The following SLC35E3 variants were observed in gnomAD, a reference collection of about 807,000 sequenced individuals.
The protein encoded by SLC35E3 is bladder cancer-overexpressed gene 1 protein.
SLC35E3 carries 28 observed loss-of-function variants against 30.8 expected under a neutral mutation model. The observed-to-expected ratio is 0.91, with a 90% CI of 0.67 to 1.25. The LOEUF is 1.25. Ranked by LOEUF, SLC35E3 falls within the 50% of genes most tolerant of loss-of-function variation. The pLI is 0.00. For synonymous variants in SLC35E3, 146 were observed against 149.2 expected, an observed-to-expected ratio of 0.98 and a Z score of 0.16; for missense variants, 365 against 375.4, an observed-to-expected ratio of 0.97 and a Z score of 0.23.
At chr12:68,752,461 C>T (rs1037949009) in intron 3 of SLC35E3, among the ~76,000 whole-genome samples, 1 of 152,156 alleles carries the variant, frequency 6.6e-6, no homozygotes, top group African/African-American at 2.4e-5. Context: ...CTGTTCTGAC[C>T]ATGTCAAGCT....
chr12:68,763,546 C>T (rs942909840), intron 4 of SLC35E3, among the ~76,000 whole-genome samples: 28 of 152,100 alleles, frequency 1.8e-4, no homozygotes, highest in African/African-American at 6.3e-4. Context: ...TGCACCACCA[C>T]GCCCGGCTAA....
intron 3 of SLC35E3, among the ~76,000 whole-genome samples, chr12:68,752,413 A>G (rs1226524403): frequency 6.6e-6 from 1 of 152,196 alleles, no homozygotes; most frequent in Non-Finnish European, 1.5e-5. Flanking sequence ...TCAGTGGCAA[A>G]AGCAGAACTA....
intron 3 of SLC35E3, among the ~76,000 whole-genome samples, chr12:68,757,294 G>T (rs181461352): frequency 6.6e-6 from 1 of 152,260 alleles, no homozygotes; most frequent in Non-Finnish European, 1.5e-5. Context: ...TTCAAAGTCC[G>T]TAACAAAGAC....
At chr12:68,752,561 A>G (rs1394318260) in intron 3 of SLC35E3, among the ~76,000 whole-genome samples, 1 of 152,218 alleles carries the variant, frequency 6.6e-6, no homozygotes, top group Admixed American at 6.5e-5. Context: ...GATTTTGAAC[A>G]TACGTAAAAA....
chr12:68,746,839 G>T, intron 1 of SLC35E3, 60 bp downstream of exon 1: 1 of 1,486,864 alleles, frequency 6.7e-7, no homozygotes, highest in South Asian at 1.3e-5. Flanking sequence ...CACTGGCCCC[G>T]GGAAATTCGA....
chr12:68,764,829 A>G lies in SLC35E3; in HGVS notation c.881A>G (p.Tyr294Cys). 1 of 1,614,182 alleles carries G rather than the reference A, an allele frequency of 6.2e-7. No individual in the cohort carries two copies. Among genetic ancestry groups the G allele is most frequent in the Non-Finnish European group, 8.5e-7 (1 of 1,180,040 alleles). Residue 294 changes from tyrosine (Y) to cysteine (C), a missense_variant, in exon 5 of 5, where the codon TAT (tyrosine) becomes TGT (cysteine). By Grantham distance (194) the Tyr-to-Cys change is radical (BLOSUM62 -2). Transcript: ENST00000398004. ...ILCTLFGILA[Y>C]THFKLSEQEG... ...TGTACATTATTTGGCATTCTCGCCTATACCCACTTTAAGCTCAGTGAACAG... is the reference window on the plus strand; with the variant it reads ...TGTACATTATTTGGCATTCTCGCCTGTACCCACTTTAAGCTCAGTGAACAG...
In SLC35E3 at chr12:68,771,890, A is replaced by T. The variant is rs1443568711; in HGVS notation, c.*7000A>T. ...CTATAAAATGAGGGCTTTGATCCAA[A>T]TAATTTCCAGGGGACTGTCCAGCTC... On this transcript the variant is annotated 3_prime_UTR_variant, in exon 5 of 5. Transcript: ENST00000398004. 2 of 152,268 alleles carry T rather than the reference A, an allele frequency of 1.3e-5. No homozygotes were observed. The highest frequency in any genetic ancestry group is 1.3e-4 in the Admixed American group (2 of 15,270). The allele number at this position is 152,268 out of a possible 1,614,324, so 9.4% of individuals were successfully genotyped here. A position where few individuals can be genotyped will look rare whatever the true frequency, so the allele number is the denominator to read the frequency against.
At chr12:68,753,042 G>T (rs1009418194) in intron 3 of SLC35E3, among the ~76,000 whole-genome samples, 1 of 151,524 alleles carries the variant, frequency 6.6e-6, no homozygotes. Flanking sequence ...GCTACTCAAG[G>T]AGGCTGAGGC....
rs571621096 is a variant in SLC35E3, at chr12:68,766,306, G to A, written c.*1416G>A. On this transcript the variant is annotated 3_prime_UTR_variant, in exon 5 of 5. Coordinates refer to ENST00000398004, the MANE Select transcript of SLC35E3 (RefSeq NM_018656.5). ...GTTCAAGACCAGTCTGACCAACATGGAGGAATCCCGTCTCTACTAAAAATA... is the reference window on the plus strand; with the variant it reads ...GTTCAAGACCAGTCTGACCAACATGAAGGAATCCCGTCTCTACTAAAAATA... 1.4e-3 allele frequency: 217 copies of A among 152,170 alleles called. 1 individual carries two copies. Among genetic ancestry groups the A allele is most frequent in the Non-Finnish European group, 1.7e-3 (115 of 68,144 alleles). 9.4% of individuals were successfully genotyped at this position (152,170 alleles called of 1,614,324 possible).
At chr12:68,750,411 A>C (rs892785421) in intron 2 of SLC35E3, among the ~76,000 whole-genome samples, 5 of 152,216 alleles carry the variant, frequency 3.3e-5, no homozygotes, top group Non-Finnish European at 7.3e-5. Context: ...TGCCTTAAAA[A>C]CTGTTAAGTG....
At chr12:68,759,703 T>TAA (rs765439476) in intron 4 of SLC35E3, among the ~76,000 whole-genome samples, 59 of 136,800 alleles carry the variant, frequency 4.3e-4, no homozygotes, top group Non-Finnish European at 6.6e-4. Context: ...GACTCTGTCT[T>TAA]AAAAAAAAAA....
intron 3 of SLC35E3, among the ~76,000 whole-genome samples, chr12:68,757,656 A>C (rs1380607374): frequency 1.3e-5 from 2 of 152,240 alleles, no homozygotes; most frequent in Non-Finnish European, 1.5e-5. Context: ...AAGTGTAAGC[A>C]GTGATCATCA....
Position 68,764,890 on chromosome 12 carries a change from A to G in SLC35E3, c.942A>G (p.Ter314=), listed in dbSNP as rs1197440808. 3.0e-5 allele frequency: 48 copies of G among 1,611,938 alleles called. No individual in the cohort carries two copies. The highest frequency in any genetic ancestry group is 3.8e-5 in the Non-Finnish European group (45 of 1,178,844). ...GGAGTAAACTGGCACAACGTCCTTA[A>G]TTGGGTTTTTGTGGAGAAAAGAATG... ...GSRSKLAQRP[*] The change falls in exon 5 of 5, where the codon TAA becomes TAG. Residue 314 remains the stop codon, a stop_retained_variant. Coordinates refer to ENST00000398004, the MANE Select transcript of SLC35E3 (RefSeq NM_018656.5).
rs1879407651 is a variant in SLC35E3 at position 68,766,196 on chromosome 12, C to G, written c.*1306C>G. The G allele has an allele frequency of 6.6e-6, 1 of 151,886 alleles. No individual in the cohort carries two copies. Among genetic ancestry groups the G allele is most frequent in the Non-Finnish European group, 1.5e-5 (1 of 67,980 alleles). 9.4% of individuals were successfully genotyped at this position (151,886 alleles called of 1,614,324 possible). A position where few individuals can be genotyped will look rare whatever the true frequency, so the allele number is the denominator to read the frequency against. On this transcript the variant is annotated 3_prime_UTR_variant, in exon 5 of 5. Coordinates refer to ENST00000398004, the MANE Select transcript of SLC35E3 (RefSeq NM_018656.5). ...ATAGAAACTATATGGAGTTAAAAAA[C>G]AAAACGGCAGCCAATCTCAGTGGCT...
chr12:68,764,830 T>C lies in SLC35E3; in HGVS notation c.882T>C (p.Tyr294=). Residue 294 remains tyrosine (Y), a synonymous_variant, in exon 5 of 5, where the codon TAT becomes TAC. Coordinates refer to ENST00000398004, the MANE Select transcript of SLC35E3 (RefSeq NM_018656.5). ...ILCTLFGILA[Y]THFKLSEQEG... is the part of the protein sequence containing the mutation. ...GTACATTATTTGGCATTCTCGCCTATACCCACTTTAAGCTCAGTGAACAGG... is the reference window on the plus strand; with the variant it reads ...GTACATTATTTGGCATTCTCGCCTACACCCACTTTAAGCTCAGTGAACAGG... 1 of 1,614,172 alleles carries C rather than the reference T, an allele frequency of 6.2e-7. No homozygotes were observed.
rs1879640622 is a variant in SLC35E3 at position 68,772,733 on chromosome 12, G to T, written c.*7843G>T. The T allele has an allele frequency of 1.3e-5, 2 of 151,874 alleles. No homozygotes were observed. Among genetic ancestry groups the T allele is most frequent in the Admixed American group, 1.3e-4 (2 of 15,248 alleles). The allele number at this position is 151,874 out of a possible 1,614,324, so 9.4% of individuals were successfully genotyped here. Reference sequence around the variant, plus strand: ...CATTTCTAAATATTTATTTTTTTCGGTTATCCGTAGACTTTTCCTTTTGAA... The same window carrying T: ...CATTTCTAAATATTTATTTTTTTCGTTTATCCGTAGACTTTTCCTTTTGAA... On this transcript the variant is annotated 3_prime_UTR_variant, in exon 5 of 5. Transcript: ENST00000398004.
chr12:68,766,769 G>A lies in SLC35E3; in HGVS notation c.*1879G>A, dbSNP rs895013387. Reference sequence around the variant, plus strand: ...CTGGCTGATTTTTATATTTTTTGTAGAGACAGAGTTTTGCCATGTTGCTCA... The same window carrying A: ...CTGGCTGATTTTTATATTTTTTGTAAAGACAGAGTTTTGCCATGTTGCTCA... On this transcript the variant is annotated 3_prime_UTR_variant, in exon 5 of 5. Coordinates refer to ENST00000398004, the MANE Select transcript of SLC35E3 (RefSeq NM_018656.5). 4.4e-6 allele frequency: 2 copies of A among 450,684 alleles called. No homozygotes were observed. The highest frequency in any genetic ancestry group is 4.8e-5 in the Admixed American group (2 of 41,686). 27.9% of individuals were successfully genotyped at this position (450,684 alleles called of 1,614,324 possible).
In SLC35E3 at chr12:68,780,154, A is replaced by C. The variant is rs1302448855; in HGVS notation, c.*15264A>C. ...ATTTTTAAATCTTAACAATTTCTAA[A>C]ATCACACTTTTTAATTTATTTTGTA... On this transcript the variant is annotated 3_prime_UTR_variant, in exon 5 of 5. Transcript: ENST00000398004. The C allele has an allele frequency of 5.9e-5, 9 of 152,056 alleles. No homozygotes were observed. The highest frequency in any genetic ancestry group is 5.9e-4 in the Admixed American group (9 of 15,250). 9.4% of individuals were successfully genotyped at this position (152,056 alleles called of 1,614,324 possible).
At position 68,778,748 on chromosome 12, in the gene SLC35E3, C is replaced by G. The variant is rs1383966079; in HGVS notation, c.*13858C>G. 1 of 151,196 alleles carries G rather than the reference C, an allele frequency of 6.6e-6. No individual in the cohort carries two copies. Among genetic ancestry groups the G allele is most frequent in the African/African-American group, 2.4e-5 (1 of 41,058 alleles). The allele number at this position is 151,196 out of a possible 1,614,324, so 9.4% of individuals were successfully genotyped here. On this transcript the variant is annotated 3_prime_UTR_variant, in exon 5 of 5. Coordinates refer to ENST00000398004, the MANE Select transcript of SLC35E3 (RefSeq NM_018656.5). Reference sequence around the variant, plus strand: ...GAGGTTGCAGTGAACCATGGTCGCACCACTTCACTCCAGCCTGGACAAAAG... The same window carrying G: ...GAGGTTGCAGTGAACCATGGTCGCAGCACTTCACTCCAGCCTGGACAAAAG...
Sources: allele counts gnomAD v4.1 joint callset (sites outside exome capture counted in the v4.1 genomes callset), GRCh38; gene constraint gnomAD v4.1.1; transcripts MANE v1.5; gene names NCBI Gene and HGNC (gene_info 2026-07-23, HGNC 2026-07-21).